The following NFATC2 variants were observed in gnomAD, a reference collection of about 807,000 sequenced individuals.
The protein encoded by NFATC2 is nuclear factor of activated T cells 2.
A neutral mutation model predicts 87.3 loss-of-function variants in NFATC2; 22 were observed. The ratio of observed to expected loss-of-function variants is 0.25; its 90% CI spans 0.18 to 0.36. NFATC2 has a LOEUF of 0.36. NFATC2 is among the 10% of genes least tolerant of loss of function. The probability of loss-of-function intolerance (pLI) is 1.00; values close to 1 mark genes in which losing one functional copy is unlikely to be tolerated. For synonymous variants in NFATC2, 565 were observed against 542.2 expected (o/e 1.04, Z -0.58); for missense variants, 1,149 against 1,259.1 (o/e 0.91, Z 1.32).
chr20:51,398,843 C>T, intron 9 of NFATC2, 113 bp from the exon 10 acceptor site: 2 of 746,322 alleles, frequency 2.7e-6, no homozygotes, highest in Admixed American at 2.3e-5. Context: ...GAACTTAACC[C>T]TTTGGCTCTA....
At chr20:51,478,971 G>A (rs117433983) in intron 3 of NFATC2, among the ~76,000 whole-genome samples, 1,936 of 152,282 alleles carry the variant, frequency 0.013, 23 homozygotes, top group Non-Finnish European at 0.018. Context: ...CAGTGCTAAA[G>A]CCAGCTCTTT....
At chr20:51,409,396 GAGAAA>G (rs1978853344) in intron 9 of NFATC2, among the ~76,000 whole-genome samples, 1 of 152,220 alleles carries the variant, frequency 6.6e-6, no homozygotes, top group Non-Finnish European at 1.5e-5. Context: ...TTATGCAGCA[GAGAAA>G]AGGAAAGAAT....
chr20:51,491,842 G>A (rs993617432), intron 3 of NFATC2, among the ~76,000 whole-genome samples: 1 of 149,234 alleles, frequency 6.7e-6, no homozygotes, highest in Non-Finnish European at 1.5e-5. Flanking sequence ...TGCTCGTTGA[G>A]AACAGCCCCA....
upstream of NFATC2, among the ~76,000 whole-genome samples, chr20:51,547,611 T>A (rs966608595): frequency 1.3e-4 from 20 of 152,044 alleles, no homozygotes; most frequent in African/African-American, 4.6e-4. Flanking sequence ...CGACCCAACA[T>A]CTCCACGGGA....
intron 3 of NFATC2, among the ~76,000 whole-genome samples, chr20:51,514,964 C>T (rs750076298): frequency 2.6e-5 from 4 of 152,230 alleles, no homozygotes; most frequent in Admixed American, 6.5e-5. Context: ...AGAGGAAGTG[C>T]ACAGGTGAGC....
At chr20:51,520,197 C>T (rs558817461) in intron 2 of NFATC2, among the ~76,000 whole-genome samples, 10 of 152,120 alleles carry the variant, frequency 6.6e-5, no homozygotes, top group Non-Finnish European at 4.4e-5. Context: ...ACAAAGTGTC[C>T]GATAAATGTA....
intron 1 of NFATC2, among the ~76,000 whole-genome samples, chr20:51,551,839 A>G (rs995326012): frequency 2.6e-5 from 4 of 151,550 alleles, no homozygotes; most frequent in African/African-American, 9.7e-5. Context: ...CATCCTGGCT[A>G]ACATGGTGAA....
intron 1 of NFATC2, among the ~76,000 whole-genome samples, chr20:51,526,831 T>C (rs553707851): frequency 6.6e-6 from 1 of 152,162 alleles, no homozygotes; most frequent in Admixed American, 6.5e-5. Flanking sequence ...GGGCCCTGCC[T>C]GTGCATCTAC....
chr20:51,474,094 C>T lies in NFATC2; in HGVS notation c.1594G>A (p.Glu532Lys), dbSNP rs1180815090. 3.1e-6 allele frequency: 5 copies of T among 1,614,214 alleles called. No homozygotes were observed. The highest frequency in any genetic ancestry group is 4.2e-6 in the Non-Finnish European group (5 of 1,180,042). Residue 532 changes from glutamate to lysine, a missense_variant, in exon 5 of 11, where the codon GAG becomes AAG. This residue lies in a region of NFATC2 where 581 missense variants were observed against 649.7 expected (regional missense o/e 0.89). Transcript: ENST00000371564. ...RNADIELRKG[E>K]TDIGRKNTRV... is the part of the protein sequence containing the mutation. ...GTGTTCTTTCTTCCAATGTCCGTCT[C>T]GCCTTTCCGCAGCTCAATGTCGGCG...
At chr20:51,396,042 ATATATATATATATATATATATATAT>A (rs1987052290) in intron 10 of NFATC2, among the ~76,000 whole-genome samples, 2 of 1,280 alleles carry the variant, frequency 1.6e-3, no homozygotes, top group African/African-American at 9.5e-3. Flanking sequence ...TAGTATGTAT[ATATATATATATATATATATATATAT>A]ATATATATAT....
chr20:51,507,312 A>G (rs1210947730), intron 3 of NFATC2, among the ~76,000 whole-genome samples: 1 of 152,136 alleles, frequency 6.6e-6, no homozygotes, highest in East Asian at 1.9e-4. Flanking sequence ...AGCTAAGATC[A>G]TGTCTGTAAC....
At chr20:51,485,315 GC>G (rs1392359061) in intron 3 of NFATC2, among the ~76,000 whole-genome samples, 1 of 152,158 alleles carries the variant, frequency 6.6e-6, no homozygotes, top group Non-Finnish European at 1.5e-5. Context: ...TCCTTTGGGG[GC>G]TGGAGGCATG....
chr20:51,418,621 C>T (rs920535238), intron 9 of NFATC2, among the ~76,000 whole-genome samples: 3 of 151,892 alleles, frequency 2.0e-5, no homozygotes, highest in African/African-American at 2.4e-5. Context: ...AAGGCCTCAC[C>T]CTCATTCTGT....
chr20:51,417,464 G>A (rs912266558), intron 9 of NFATC2, among the ~76,000 whole-genome samples: 2 of 151,946 alleles, frequency 1.3e-5, no homozygotes, highest in Admixed American at 6.6e-5. Flanking sequence ...TCTGCCCTAC[G>A]TGCTTGCTCT....
intron 6 of NFATC2, among the ~76,000 whole-genome samples, chr20:51,447,814 C>T (rs112130454): frequency 1.1e-4 from 17 of 152,336 alleles, no homozygotes; most frequent in African/African-American, 4.1e-4. Context: ...CCTGATTGTT[C>T]TGTTTGGTTT....
intron 5 of NFATC2, among the ~76,000 whole-genome samples, chr20:51,463,178 G>A (rs942435694): frequency 6.6e-6 from 1 of 152,228 alleles, no homozygotes; most frequent in Non-Finnish European, 1.5e-5. Context: ...CAGCAGACAG[G>A]CCCCTCAGCC....
intron 3 of NFATC2, among the ~76,000 whole-genome samples, chr20:51,505,467 A>G (rs1258388883): frequency 6.6e-6 from 1 of 151,592 alleles, no homozygotes; most frequent in Non-Finnish European, 1.5e-5. Context: ...GTGTATATAT[A>G]TATATATGAA....
At chr20:51,557,910 G>A (rs1189865130) in intron 1 of NFATC2, among the ~76,000 whole-genome samples, 1 of 152,220 alleles carries the variant, frequency 6.6e-6, no homozygotes, top group Non-Finnish European at 1.5e-5. Context: ...TGGACAAATA[G>A]TCAGATAATT....
rs549722554 is a variant in NFATC2 at position 51,408,733 on chromosome 20, G to A, written c.2723-10003C>T. Among the ~76,000 whole-genome samples the A allele has an allele frequency of 3.3e-5, 5 of 152,296 alleles. No homozygotes were observed. In the East Asian group the frequency reaches 7.7e-4, roughly 24 times the overall value. ...AGGGTACAAGGTAAGACTGCAAGAA[G>A]TTTGGAAGACACTATAGGAGAATCT... is the stretch of plus-strand genomic sequence containing the variant. On this transcript the variant is annotated intron_variant, in intron 9 of 10. Coordinates refer to ENST00000371564, the MANE Select transcript of NFATC2 (RefSeq NM_012340.5).
Sources: gnomAD v4.1 joint callset for allele counts (sites outside exome capture counted in the v4.1 genomes callset) on GRCh38, gnomAD v4.1.1 for gene constraint, gnomAD v4.1.1 regional missense constraint, MANE v1.5 for transcripts, NCBI Gene and HGNC (gene_info 2026-07-23, HGNC 2026-07-21) for gene names.